The following DLG2 variants were observed in gnomAD, a reference collection of about 807,000 sequenced individuals.
The protein encoded by DLG2 is disks large homolog 2.
Under a neutral mutation model 132.5 loss-of-function variants are expected in DLG2, and 45 were observed. The ratio of observed to expected loss-of-function variants is 0.34; its 90% CI spans 0.27 to 0.44. The LOEUF (loss-of-function observed/expected upper bound fraction) is 0.44. Ranked by LOEUF, DLG2 falls within the 20% of genes least tolerant of loss-of-function variation. DLG2 has a pLI of 1.00. For missense variants in DLG2, 1,045 were observed against 1,196.9 expected, an observed-to-expected ratio of 0.87 and a Z score of 1.87; for synonymous variants, 424 against 419.6, an observed-to-expected ratio of 1.01 and a Z score of -0.13.
chr11:85,092,549 T>A (rs1267055105), intron 6 of DLG2, among the ~76,000 whole-genome samples: 6 of 152,114 alleles, frequency 3.9e-5, no homozygotes, highest in Non-Finnish European at 7.4e-5. Flanking sequence ...ATATATATTT[T>A]GGCAAACATG....
intron 7 of DLG2, among the ~76,000 whole-genome samples, chr11:84,305,619 A>G (rs1034544384): frequency 6.6e-6 from 1 of 152,100 alleles, no homozygotes; most frequent in Non-Finnish European, 1.5e-5. Flanking sequence ...CTATCTATTT[A>G]TCTACCTACC....
rs1022547538 is a variant in DLG2 at position 84,308,569 on chromosome 11, C to A, written c.520-57278G>T. Among the ~76,000 whole-genome samples, 4 of 152,312 alleles carry A rather than the reference C, an allele frequency of 2.6e-5. 1 individual carries two copies. In the South Asian group the frequency reaches 8.3e-4, roughly 32 times the overall value. On this transcript the variant is annotated intron_variant, in intron 7 of 27. Transcript: ENST00000376104. ...GCGCCCGCACTCCTCAGCCCTTGGG[C>A]GGTCAATGGGACTGGGTGCCGTGGA...
chr11:84,810,810 T>A (rs1013382971), intron 6 of DLG2, among the ~76,000 whole-genome samples: 2 of 152,080 alleles, frequency 1.3e-5, no homozygotes, highest in East Asian at 3.9e-4. Flanking sequence ...TTCCAAAATA[T>A]TATGCTGAGT....
intron 19 of DLG2, among the ~76,000 whole-genome samples, chr11:83,559,430 C>CA (rs1377629871): frequency 6.6e-6 from 1 of 152,034 alleles, no homozygotes; most frequent in African/African-American, 2.4e-5. Context: ...GCATGAGATT[C>CA]AATGAAGGTA....
At chr11:83,765,788 A>G (rs1013692332) in intron 18 of DLG2, among the ~76,000 whole-genome samples, 1 of 152,212 alleles carries the variant, frequency 6.6e-6, no homozygotes, top group Admixed American at 6.5e-5. Context: ...AGTTTCTCCA[A>G]CTGAACAGAG....
At chr11:85,526,904 C>T (rs1291051764) in intron 3 of DLG2, among the ~76,000 whole-genome samples, 1 of 152,116 alleles carries the variant, frequency 6.6e-6, no homozygotes, top group Non-Finnish European at 1.5e-5. Flanking sequence ...TTCATTGACT[C>T]TAATTTTAGG....
At chr11:85,007,664 C>CAAAAAAA (rs57188165) in intron 6 of DLG2, among the ~76,000 whole-genome samples, 1 of 88,522 alleles carries the variant, frequency 1.1e-5, no homozygotes, top group Non-Finnish European at 2.2e-5. Context: ...GACTCCGTCT[C>CAAAAAAA]AAAAAAAAAA....
chr11:83,819,675 C>A (rs1052612517), intron 17 of DLG2, among the ~76,000 whole-genome samples: 2 of 151,974 alleles, frequency 1.3e-5, no homozygotes, highest in Admixed American at 1.3e-4. Flanking sequence ...ATATGTTTTA[C>A]AGCAACATTG....
chr11:84,807,360 CG>C (rs1350229572), intron 6 of DLG2, among the ~76,000 whole-genome samples: 4 of 151,986 alleles, frequency 2.6e-5, no homozygotes, highest in Non-Finnish European at 5.9e-5. Flanking sequence ...GCAGGAGAAT[CG>C]CTTGAACCCG....
chr11:85,293,446 A>C (rs912834796), intron 3 of DLG2, among the ~76,000 whole-genome samples: 1 of 152,198 alleles, frequency 6.6e-6, no homozygotes. Context: ...AAAATAGTAC[A>C]AACTGGCACG....
At chr11:84,179,060 A>G (rs961538592) in intron 8 of DLG2, among the ~76,000 whole-genome samples, 3 of 152,178 alleles carry the variant, frequency 2.0e-5, no homozygotes, top group African/African-American at 7.2e-5. Flanking sequence ...AAAAACATCA[A>G]AGCAGCCATA....
chr11:84,751,019 G>A (rs1336925602), intron 6 of DLG2, among the ~76,000 whole-genome samples: 3 of 152,074 alleles, frequency 2.0e-5, no homozygotes, highest in Non-Finnish European at 4.4e-5. Context: ...TTTAACTGAT[G>A]GCAGAGACAG....
At chr11:85,258,554 A>T (rs1466072298) in intron 4 of DLG2, among the ~76,000 whole-genome samples, 3 of 152,166 alleles carry the variant, frequency 2.0e-5, no homozygotes, top group Non-Finnish European at 4.4e-5. Context: ...CCTTTACTGA[A>T]TTGACTTTTA....
intron 3 of DLG2, among the ~76,000 whole-genome samples, chr11:85,498,604 C>A (rs1337343190): frequency 6.6e-6 from 1 of 152,136 alleles, no homozygotes; most frequent in Admixed American, 6.6e-5. Flanking sequence ...CAGAACTCCC[C>A]ACCCCAAATC....
chr11:85,570,045 TTAC>T, intron 3 of DLG2, among the ~76,000 whole-genome samples: 1 of 152,312 alleles, frequency 6.6e-6, no homozygotes, highest in East Asian at 1.9e-4. Context: ...TACCTAGTAG[TTAC>T]TACGCTCACT....
At chr11:85,344,910 A>G (rs1373454067) in intron 3 of DLG2, among the ~76,000 whole-genome samples, 1 of 152,058 alleles carries the variant, frequency 6.6e-6, no homozygotes, top group Admixed American at 6.6e-5. Flanking sequence ...GTAACACCAT[A>G]TGCTACACAC....
intron 6 of DLG2, among the ~76,000 whole-genome samples, chr11:84,905,719 A>AT (rs1185260970): frequency 6.6e-6 from 1 of 152,122 alleles, no homozygotes; most frequent in Non-Finnish European, 1.5e-5. Flanking sequence ...CATTTCTTGT[A>AT]TTTTTTATAG....
At chr11:83,503,452 T>TACACAC (rs1161538666) in intron 21 of DLG2, among the ~76,000 whole-genome samples, 16 of 133,762 alleles carry the variant, frequency 1.2e-4, no homozygotes, top group Middle Eastern at 3.7e-3. Context: ...TATATATTTA[T>TACACAC]ACACACACAC....
chr11:84,314,213 A>T (rs1269730369), intron 7 of DLG2, among the ~76,000 whole-genome samples: 2 of 152,218 alleles, frequency 1.3e-5, no homozygotes, highest in African/African-American at 4.8e-5. Flanking sequence ...TCTGTACCAC[A>T]TGTGAGTCCC....
Sources: allele counts gnomAD v4.1 joint callset (sites outside exome capture counted in the v4.1 genomes callset), GRCh38; gene constraint gnomAD v4.1.1; transcripts MANE v1.5; gene names NCBI Gene and HGNC (gene_info 2026-07-23, HGNC 2026-07-21).